GPC5: variants seen among roughly 807,000 people sequenced by gnomAD.
The protein encoded by GPC5 is glypican-5.
Under a neutral mutation model 53.9 loss-of-function variants are expected in GPC5, and 47 were observed. The ratio of observed to expected loss-of-function variants is 0.87; its 90% CI spans 0.69 to 1.11. The LOEUF is 1.11. Ranked by LOEUF, GPC5 falls within the 50% of genes most tolerant of loss-of-function variation. The pLI, the probability that GPC5 is intolerant of heterozygous loss-of-function variation, is 0.00. For synonymous variants in GPC5, 286 were observed against 263.3 expected, an observed-to-expected ratio of 1.09 and a Z score of -0.84; for missense variants, 748 against 713.1, an observed-to-expected ratio of 1.05 and a Z score of -0.56.
At chr13:91,762,050 G>A (rs938545492) in intron 5 of GPC5, among the ~76,000 whole-genome samples, 14 of 152,210 alleles carry the variant, frequency 9.2e-5, no homozygotes, top group Non-Finnish European at 1.5e-4. Context: ...ATAGCACCCT[G>A]GTAAAATTAA....
intron 7 of GPC5, among the ~76,000 whole-genome samples, chr13:92,390,679 C>G (rs1874954496): frequency 1.3e-5 from 2 of 152,082 alleles, no homozygotes; most frequent in Non-Finnish European, 1.5e-5. Context: ...GTATGTTTCT[C>G]TTGCCCTCAC....
intron 7 of GPC5, among the ~76,000 whole-genome samples, chr13:92,230,766 C>T (rs2042524115): frequency 6.6e-6 from 1 of 152,128 alleles, no homozygotes; most frequent in South Asian, 2.1e-4. Context: ...TTTAATTACC[C>T]TGTTTTCTTA....
rs1038079725 is a variant in GPC5, at chr13:91,693,991, G to T, written c.1020+110G>T. ...GTGTCTGTTGATATATTCAATCCAA[G>T]ATATTATTTTTTTATATCTTATGAT... On this transcript the variant is annotated intron_variant, in intron 3 of 7. Transcript: ENST00000377067. The T allele has an allele frequency of 1.9e-5, 16 of 822,484 alleles. No homozygotes were observed. The African/African-American group carries it at 2.6e-4, about 13-fold the overall frequency. 50.9% of individuals were successfully genotyped at this position (822,484 alleles called of 1,614,324 possible).
intron 1 of GPC5, among the ~76,000 whole-genome samples, chr13:91,400,054 G>A (rs546830605): frequency 2.0e-5 from 3 of 152,248 alleles, no homozygotes; most frequent in Admixed American, 2.0e-4. Flanking sequence ...TCCAGTGTAG[G>A]TTCTGTCTGG....
At chr13:92,778,526 A>T (rs991840252) in intron 7 of GPC5, among the ~76,000 whole-genome samples, 2 of 152,228 alleles carry the variant, frequency 1.3e-5, no homozygotes, top group African/African-American at 4.8e-5. Context: ...GAAACAGATA[A>T]CATGTACTTA....
intron 7 of GPC5, among the ~76,000 whole-genome samples, chr13:92,763,571 TG>T (rs750730981): frequency 3.3e-5 from 5 of 152,166 alleles, no homozygotes; most frequent in Non-Finnish European, 7.3e-5. Flanking sequence ...GCAGGAGCTC[TG>T]GGCTCCAGAG....
At chr13:91,917,081 T>C (rs1329491975) in intron 6 of GPC5, among the ~76,000 whole-genome samples, 1 of 152,104 alleles carries the variant, frequency 6.6e-6, no homozygotes, top group Non-Finnish European at 1.5e-5. Flanking sequence ...GTCCAAAGTC[T>C]CATTTAAGAC....
At chr13:91,432,153 C>T (rs1375953338) in intron 1 of GPC5, among the ~76,000 whole-genome samples, 1 of 150,908 alleles carries the variant, frequency 6.6e-6, no homozygotes, top group African/African-American at 2.5e-5. Flanking sequence ...TTAATTTTCT[C>T]ATCCCTCATG....
At chr13:92,346,089 C>G (rs900382673) in intron 7 of GPC5, among the ~76,000 whole-genome samples, 7 of 152,140 alleles carry the variant, frequency 4.6e-5, no homozygotes, top group African/African-American at 1.7e-4. Flanking sequence ...CACCCCCATA[C>G]ATTTTGGGGA....
rs527467194 is a variant in GPC5, at chr13:91,597,686, C to G, written c.326-95501C>G. On this transcript the variant is annotated intron_variant, in intron 2 of 7. Coordinates refer to ENST00000377067, the MANE Select transcript of GPC5 (RefSeq NM_004466.6). ...GAGGAGGGGGCACTATTTCTATCCCCCTTCATGGCAGAAACTGCATTCCTA... is the reference window on the plus strand; with the variant it reads ...GAGGAGGGGGCACTATTTCTATCCCGCTTCATGGCAGAAACTGCATTCCTA... 3.9e-5 allele frequency among the ~76,000 whole-genome samples: 6 copies of G among 152,234 alleles called. 1 individual carries two copies. The highest frequency in any genetic ancestry group is 1.4e-4 in the African/African-American group (6 of 41,562).
intron 7 of GPC5, among the ~76,000 whole-genome samples, chr13:92,539,153 G>C (rs1034312773): frequency 1.0e-4 from 15 of 150,716 alleles, no homozygotes; most frequent in Non-Finnish European, 1.8e-4. Flanking sequence ...TGGGTATATA[G>C]TAGAATGATT....
At chr13:92,371,881 C>T (rs924824195) in intron 7 of GPC5, among the ~76,000 whole-genome samples, 6 of 152,156 alleles carry the variant, frequency 3.9e-5, no homozygotes, top group Admixed American at 1.3e-4. Flanking sequence ...GAAGAAATAG[C>T]AGCAGGGTCT....
intron 7 of GPC5, among the ~76,000 whole-genome samples, chr13:92,163,706 A>G (rs1277686886): frequency 6.6e-6 from 1 of 152,196 alleles, no homozygotes; most frequent in Non-Finnish European, 1.5e-5. Context: ...GTGAAGAACA[A>G]TGAGAATAGT....
At chr13:91,402,642 A>G (rs1265690027) in intron 1 of GPC5, among the ~76,000 whole-genome samples, 2 of 152,226 alleles carry the variant, frequency 1.3e-5, no homozygotes, top group African/African-American at 4.8e-5. Context: ...AAATGAAATA[A>G]TGTAAAATGT....
At chr13:92,770,213 A>C (rs1366390740) in intron 7 of GPC5, among the ~76,000 whole-genome samples, 4 of 152,146 alleles carry the variant, frequency 2.6e-5, no homozygotes, top group Non-Finnish European at 5.9e-5. Flanking sequence ...CATGAGTTCA[A>C]GACCAGCCTG....
intron 3 of GPC5, among the ~76,000 whole-genome samples, chr13:91,697,817 T>A (rs1295676429): frequency 6.6e-6 from 1 of 152,092 alleles, no homozygotes; most frequent in Non-Finnish European, 1.5e-5. Context: ...ATAACATTGT[T>A]TCAAGATGTT....
intron 7 of GPC5, among the ~76,000 whole-genome samples, chr13:92,259,562 T>C (rs563841784): frequency 6.8e-4 from 104 of 152,268 alleles, no homozygotes; most frequent in African/African-American, 2.3e-3. Context: ...ATCATTCCCA[T>C]CCTGCCTTGC....
chr13:91,874,820 T>C (rs1239250574), intron 5 of GPC5, among the ~76,000 whole-genome samples: 1 of 152,204 alleles, frequency 6.6e-6, no homozygotes, highest in Non-Finnish European at 1.5e-5. Flanking sequence ...GGTAATGATA[T>C]TCAAGTTTCT....
At chr13:91,550,791 G>T (rs1191934698) in intron 2 of GPC5, among the ~76,000 whole-genome samples, 2 of 152,060 alleles carry the variant, frequency 1.3e-5, no homozygotes, top group African/African-American at 4.8e-5. Context: ...ACTCATGGGG[G>T]CAGTTTCCCC....
Sources: gnomAD v4.1 joint callset for allele counts (sites outside exome capture counted in the v4.1 genomes callset) on GRCh38, gnomAD v4.1.1 for gene constraint, MANE v1.5 for transcripts, NCBI Gene and HGNC (gene_info 2026-07-23, HGNC 2026-07-21) for gene names.